The following ARHGEF9 variants were observed in gnomAD, a reference collection of about 807,000 sequenced individuals.
ARHGEF9 encodes the protein Cdc42 guanine nucleotide exchange factor 9, also known as rho guanine nucleotide exchange factor 9.
A neutral mutation model predicts 41.3 loss-of-function variants in ARHGEF9; 2 were observed. The ratio of observed to expected loss-of-function variants is 0.05; its 90% CI spans 0.02 to 0.15. The LOEUF (loss-of-function observed/expected upper bound fraction) is 0.15. ARHGEF9 is among the 10% of genes least tolerant of loss of function. The pLI, the probability that ARHGEF9 is intolerant of heterozygous loss-of-function variation, is 1.00. For missense variants in ARHGEF9, 225 were observed against 424.7 expected (o/e 0.53, Z 4.13); for synonymous variants, 160 against 154.4 (o/e 1.04, Z -0.27).
intron 1 of ARHGEF9, among the ~76,000 whole-genome samples, chrX:63,775,633 T>C (rs1556457952): frequency 1.8e-5 from 2 of 111,515 alleles, no homozygotes; most frequent in Non-Finnish European, 3.8e-5. Context: ...TGAGTACACA[T>C]GGACACAAAG....
chrX:63,648,888 C>G (rs1424815601), intron 8 of ARHGEF9, among the ~76,000 whole-genome samples: 1 of 111,746 alleles, frequency 8.9e-6, no homozygotes, highest in Non-Finnish European at 1.9e-5. Context: ...ATCAATTCAA[C>G]AAGAAGAGCT....
chrX:63,719,898 T>A, intron 2 of ARHGEF9: 1 of 290,597 alleles, frequency 3.4e-6, no homozygotes, highest in Non-Finnish European at 6.0e-6. Context: ...TCATGCCCAC[T>A]TGGGACAAGG....
chrX:63,777,087 A>G (rs1203161255), intron 1 of ARHGEF9, among the ~76,000 whole-genome samples: 1 of 112,080 alleles, frequency 8.9e-6, no homozygotes, highest in Non-Finnish European at 1.9e-5. Flanking sequence ...AACTGCTAAT[A>G]AAGACATATC....
chrX:63,675,984 A>G (rs2050239125), intron 5 of ARHGEF9, among the ~76,000 whole-genome samples: 1 of 112,255 alleles, frequency 8.9e-6, no homozygotes, highest in African/African-American at 3.2e-5. Flanking sequence ...TTTTTAAAAA[A>G]GGAAGGAGAA....
At chrX:63,771,942 C>T (rs2056212722) in intron 1 of ARHGEF9, among the ~76,000 whole-genome samples, 1 of 111,823 alleles carries the variant, frequency 8.9e-6, no homozygotes, top group African/African-American at 3.3e-5. Flanking sequence ...CCTTTGGACT[C>T]TGACTGCAAC....
chrX:63,774,287 C>T (rs183626067), intron 1 of ARHGEF9, among the ~76,000 whole-genome samples: 1 of 111,422 alleles, frequency 9.0e-6, no homozygotes, highest in African/African-American at 3.3e-5. Flanking sequence ...TTTAATCATA[C>T]GTTTTTCCCA....
At chrX:63,770,813 C>T (rs2056192565) in intron 1 of ARHGEF9, among the ~76,000 whole-genome samples, 1 of 112,077 alleles carries the variant, frequency 8.9e-6, no homozygotes, top group Non-Finnish European at 1.9e-5. Context: ...TTCTCTTTGC[C>T]TGCTGCCATC....
intron 3 of ARHGEF9, among the ~76,000 whole-genome samples, chrX:63,700,471 T>C (rs1379786801): frequency 2.7e-5 from 3 of 111,757 alleles, no homozygotes; most frequent in Non-Finnish European, 3.8e-5. Context: ...TTTGAAGGTA[T>C]GTAAGTTTAA....
At chrX:63,709,595 C>T (rs552047524) in intron 2 of ARHGEF9, among the ~76,000 whole-genome samples, 1 of 112,008 alleles carries the variant, frequency 8.9e-6, no homozygotes, top group African/African-American at 3.2e-5. Context: ...CATTGACTGG[C>T]TAATCCCATA....
At chrX:63,681,618 T>C (rs1363597295) in intron 4 of ARHGEF9, among the ~76,000 whole-genome samples, 2 of 109,656 alleles carry the variant, frequency 1.8e-5, no homozygotes, top group Non-Finnish European at 3.8e-5. Flanking sequence ...AAGAGGGGCG[T>C]TGATAGCATT....
intron 1 of ARHGEF9, chrX:63,754,782 C>T: frequency 1.0e-6 from 1 of 952,505 alleles, no homozygotes; most frequent in Non-Finnish European, 1.3e-6. Flanking sequence ...TTGGTTCCCC[C>T]CTTCTCAGGA....
intron 1 of ARHGEF9, among the ~76,000 whole-genome samples, chrX:63,776,111 G>T (rs1212467409): frequency 9.0e-6 from 1 of 110,848 alleles, no homozygotes; most frequent in African/African-American, 3.3e-5. Context: ...TGCAGGATGA[G>T]AAAAACCCCT....
intron 1 of ARHGEF9, among the ~76,000 whole-genome samples, chrX:63,781,641 T>A (rs1253696119): frequency 8.9e-6 from 1 of 111,895 alleles, no homozygotes; most frequent in African/African-American, 3.3e-5. Flanking sequence ...CAAGCAACCA[T>A]CACGTCTAAC....
Position 63,637,177 on chromosome X carries a change from C to A in ARHGEF9, c.*851G>T, listed in dbSNP as rs1556298848. 2 of 295,916 alleles carry A rather than the reference C, an allele frequency of 6.8e-6. No homozygotes were observed. Among genetic ancestry groups the A allele is most frequent in the African/African-American group, 5.5e-5 (2 of 36,389 alleles). The allele number at this position is 295,916 out of a possible 1,213,427, so 24.4% of individuals were successfully genotyped here. A position where few individuals can be genotyped will look rare whatever the true frequency, so the allele number is the denominator to read the frequency against. ...AAATTGCAACGACCCAGAAGTGCTG[C>A]AACATGGGAAACCCCAGTGATAGAA... On this transcript the variant is annotated 3_prime_UTR_variant, in exon 10 of 10. Coordinates refer to ENST00000671741, the MANE Select transcript of ARHGEF9 (RefSeq NM_001353921.2).
At position 63,678,487 on chromosome X, in the gene ARHGEF9, C is replaced by T. The variant is rs1556365349; in HGVS notation, c.668G>A (p.Arg223His). ...ACAGGCCTCAAAGAAGTGCTGGTAG[C>T]GGCTGTCCTTCATCAGTTTGGAGAG... ...MELSKLMKDS[R>H]YQHFFEACRL... is the part of the protein sequence containing the mutation. The change falls in exon 5 of 10, where the codon CGC becomes CAC. Residue 223 changes from arginine (R) to histidine (H), a missense_variant. Physicochemically the swap from Arg to His is conservative, Grantham distance 29. This residue lies in a region of ARHGEF9 where 114 missense variants were observed against 197.9 expected (regional missense o/e 0.58). Transcript: ENST00000671741. 7 of 1,204,919 alleles carry T rather than the reference C, an allele frequency of 5.8e-6. No individual in the cohort carries two copies. Among genetic ancestry groups the T allele is most frequent in the South Asian group, 1.8e-5 (1 of 55,638 alleles).
chrX:63,643,538 G>A (rs2047782556), intron 9 of ARHGEF9, among the ~76,000 whole-genome samples: 1 of 109,655 alleles, frequency 9.1e-6, no homozygotes, highest in Admixed American at 9.7e-5. Flanking sequence ...GTAGAGGCGG[G>A]GTTTCACCAA....
intron 1 of ARHGEF9, among the ~76,000 whole-genome samples, chrX:63,747,952 G>A (rs1357876974): frequency 8.9e-6 from 1 of 112,427 alleles, no homozygotes; most frequent in Non-Finnish European, 1.9e-5. Flanking sequence ...AAAACAAGAA[G>A]CTCTGGAGCC....
At chrX:63,677,098 C>T (rs1189976421) in intron 5 of ARHGEF9, among the ~76,000 whole-genome samples, 8 of 111,774 alleles carry the variant, frequency 7.2e-5, no homozygotes, top group African/African-American at 2.3e-4. Flanking sequence ...CATCTCTAAC[C>T]TGTCCTACTA....
At chrX:63,756,330 C>T (rs2055928096) in intron 1 of ARHGEF9, among the ~76,000 whole-genome samples, 1 of 111,919 alleles carries the variant, frequency 8.9e-6, no homozygotes, top group Non-Finnish European at 1.9e-5. Context: ...TAGGTATATA[C>T]CTAAGAAAAA....
Sources: gnomAD v4.1 joint callset for allele counts (sites outside exome capture counted in the v4.1 genomes callset) on GRCh38, gnomAD v4.1.1 for gene constraint, gnomAD v4.1.1 regional missense constraint, MANE v1.5 for transcripts, NCBI Gene and HGNC (gene_info 2026-07-23, HGNC 2026-07-21) for gene names.